Variants in KIAA1217 observed in about 807,000 individuals in gnomAD.
KIAA1217 encodes the protein KIAA1217.
A neutral mutation model predicts 163.9 loss-of-function variants in KIAA1217; 88 were observed. The ratio of observed to expected loss-of-function variants is 0.54; its 90% CI spans 0.45 to 0.64. The LOEUF is 0.64. Among genes scored for constraint, KIAA1217 ranks in the 30% least tolerant of loss-of-function variants. The pLI is 0.00. For missense variants in KIAA1217, 2,372 were observed against 2,475.0 expected, an observed-to-expected ratio of 0.96 and a Z score of 0.88; for synonymous variants, 903 against 923.1, an observed-to-expected ratio of 0.98 and a Z score of 0.39.
intron 1 of KIAA1217, among the ~76,000 whole-genome samples, chr10:23,709,861 T>TTTGAAGTTGAAACAAA (rs1837137604): frequency 6.6e-6 from 1 of 152,220 alleles, no homozygotes; most frequent in Admixed American, 6.5e-5. Context: ...TTAGCCATTG[T>TTTGAAGTTGAAACAAA]GCCATGTTGT....
At chr10:23,774,769 A>T (rs548447150) in intron 1 of KIAA1217, among the ~76,000 whole-genome samples, 1 of 152,278 alleles carries the variant, frequency 6.6e-6, no homozygotes, top group Non-Finnish European at 1.5e-5. Context: ...GCTATTTCCC[A>T]TGTGGGACTC....
chr10:24,454,773 T>G (rs1384118827), intron 5 of KIAA1217, among the ~76,000 whole-genome samples: 1 of 151,974 alleles, frequency 6.6e-6, no homozygotes, highest in African/African-American at 2.4e-5. Context: ...GGATACATCA[T>G]GGATGGAAAT....
intron 3 of KIAA1217, among the ~76,000 whole-genome samples, chr10:24,428,628 C>A (rs973763631): frequency 2.0e-5 from 3 of 152,068 alleles, no homozygotes; most frequent in Non-Finnish European, 4.4e-5. Flanking sequence ...ACTAATAAAT[C>A]ATTCGTTTAT....
chr10:23,886,559 CT>C (rs1425479194), intron 1 of KIAA1217, among the ~76,000 whole-genome samples: 1 of 151,960 alleles, frequency 6.6e-6, no homozygotes, highest in East Asian at 1.9e-4. Flanking sequence ...TTTTAACAGG[CT>C]CGCTAGGGCG....
intron 2 of KIAA1217, among the ~76,000 whole-genome samples, chr10:24,240,274 T>C (rs189159451): frequency 2.0e-5 from 3 of 152,302 alleles, no homozygotes; most frequent in Middle Eastern, 3.4e-3. Context: ...CTATTGTTTC[T>C]TCCACACAGT....
In KIAA1217 at chr10:24,473,512, A is replaced by G. The variant is rs1592221991; in HGVS notation, c.1131A>G (p.Glu377=). ...ILERRDVKPD[E]DMSGKNIAMY... Reference sequence around the variant, plus strand: ...AAAGAAGAGATGTCAAGCCTGATGAAGACATGAGTGGCAAAAACATTGCAA... The same window carrying G: ...AAAGAAGAGATGTCAAGCCTGATGAGGACATGAGTGGCAAAAACATTGCAA... Residue 377 remains glutamate, a synonymous_variant, in exon 6 of 21, where the codon GAA becomes GAG. Transcript: ENST00000376454. The G allele has an allele frequency of 2.5e-6, 4 of 1,614,190 alleles. No individual in the cohort carries two copies. The highest frequency in any genetic ancestry group is 3.4e-6 in the Non-Finnish European group (4 of 1,180,042).
chr10:24,419,953 T>C (rs1191261780), intron 3 of KIAA1217, among the ~76,000 whole-genome samples: 1 of 152,126 alleles, frequency 6.6e-6, no homozygotes, highest in Non-Finnish European at 1.5e-5. Flanking sequence ...GTTCATAATT[T>C]GTTACCGCTG....
intron 1 of KIAA1217, among the ~76,000 whole-genome samples, chr10:23,847,948 T>C (rs1430684345): frequency 6.6e-6 from 1 of 152,182 alleles, no homozygotes; most frequent in Non-Finnish European, 1.5e-5. Flanking sequence ...AAAAACCTCA[T>C]TATTTCTGCC....
At chr10:24,293,954 G>A (rs775606839) in intron 2 of KIAA1217, among the ~76,000 whole-genome samples, 1 of 152,162 alleles carries the variant, frequency 6.6e-6, no homozygotes, top group Non-Finnish European at 1.5e-5. Context: ...AGCACTTTGG[G>A]AGGCCAAGGC....
At chr10:24,542,517 GC>G in intron 17 of KIAA1217, 175 bp from the exon 18 acceptor site, 7 of 1,422,320 alleles carry the variant, frequency 4.9e-6, no homozygotes, top group Non-Finnish European at 6.5e-6. Context: ...GGCATTTTTG[GC>G]AGTTGGAGAA....
At chr10:23,768,585 G>A (rs149541283) in intron 1 of KIAA1217, among the ~76,000 whole-genome samples, 6 of 152,274 alleles carry the variant, frequency 3.9e-5, no homozygotes, top group Middle Eastern at 3.4e-3. Flanking sequence ...AGGTATATTC[G>A]TGAACTTTTC....
intron 10 of KIAA1217, among the ~76,000 whole-genome samples, chr10:24,514,637 T>A (rs1174083954): frequency 1.3e-5 from 2 of 152,190 alleles, no homozygotes; most frequent in Admixed American, 1.3e-4. Context: ...GAAATGTCTT[T>A]GTGACAGCCC....
At chr10:24,039,031 ACC>A (rs1230952438) in intron 2 of KIAA1217, among the ~76,000 whole-genome samples, 1 of 152,118 alleles carries the variant, frequency 6.6e-6, no homozygotes, top group Admixed American at 6.5e-5. Flanking sequence ...GACATGAGCC[ACC>A]GCACCCAGCT....
chr10:24,508,585 C>T lies in KIAA1217; in HGVS notation c.2002-4674C>T, dbSNP rs2068678017. ...AAATGACATGATTATATATGTGTAA[C>T]ATTAAATGGAATCTACAAAACATGC... On this transcript the variant is annotated intron_variant, in intron 9 of 20. Coordinates refer to ENST00000376454, the MANE Select transcript of KIAA1217 (RefSeq NM_019590.5). Among the ~76,000 whole-genome samples the T allele has an allele frequency of 3.3e-5, 5 of 152,126 alleles. No individual in the cohort carries two copies. The South Asian group carries it at 1.0e-3, about 32-fold the overall frequency.
chr10:24,219,982 C>G, intron 2 of KIAA1217, 73 bp downstream of exon 2: 1 of 1,447,274 alleles, frequency 6.9e-7, no homozygotes, highest in South Asian at 1.4e-5. Context: ...AACTTACTTT[C>G]TTTGTAAAAG....
intron 1 of KIAA1217, among the ~76,000 whole-genome samples, chr10:23,832,342 G>C (rs528369295): frequency 1.2e-3 from 178 of 152,302 alleles, no homozygotes; most frequent in Non-Finnish European, 1.7e-3. Context: ...AGGGTGCAGA[G>C]ATCTCATGCC....
rs552967164 is a variant in KIAA1217 at position 23,845,825 on chromosome 10, T to G, written c.-321+150591T>G. On this transcript the variant is annotated intron_variant, in intron 1 of 18. Transcript: ENST00000376462. ...TTTGCCCATGCCTATGTCCTGAATTTTATTGCCTAGGTTTTCTTCTAGGAT... is the reference window on the plus strand; with the variant it reads ...TTTGCCCATGCCTATGTCCTGAATTGTATTGCCTAGGTTTTCTTCTAGGAT... 4.1e-4 allele frequency among the ~76,000 whole-genome samples: 62 copies of G among 152,198 alleles called. 1 individual carries two copies. The South Asian group carries it at 0.011, about 26-fold the overall frequency.
chr10:24,437,407 G>A (rs1374281825), intron 4 of KIAA1217, among the ~76,000 whole-genome samples: 1 of 152,346 alleles, frequency 6.6e-6, no homozygotes, highest in Non-Finnish European at 1.5e-5. Flanking sequence ...CTCCACTTCA[G>A]TTAAAACAGA....
In KIAA1217 at chr10:24,429,666, T is replaced by C. The variant is rs534602484; in HGVS notation, c.554-3329T>C. On this transcript the variant is annotated intron_variant, in intron 3 of 20. Transcript: ENST00000376454. ...TGGACTGTTTGTTCTCTTCCGAGTT[T>C]CTTTTTCCTGTTTCTTTGGGTGTTT... is the stretch of plus-strand genomic sequence containing the variant. Among the ~76,000 whole-genome samples the C allele has an allele frequency of 2.4e-4, 36 of 152,224 alleles. 1 individual carries two copies. Among genetic ancestry groups the C allele is most frequent in the Admixed American group, 3.9e-4 (6 of 15,282 alleles).
Sources: allele counts gnomAD v4.1 joint callset (sites outside exome capture counted in the v4.1 genomes callset), GRCh38; gene constraint gnomAD v4.1.1; transcripts MANE v1.5; gene names NCBI Gene and HGNC (gene_info 2026-07-23, HGNC 2026-07-21).